GRID2: variants seen among roughly 807,000 people sequenced by gnomAD.
GRID2 encodes the protein glutamate receptor ionotropic, delta-2.
In GRID2, 33 loss-of-function variants were observed where a neutral mutation model predicts 114.8. That is an observed-to-expected ratio of 0.29 (90% CI 0.22 to 0.38). GRID2 has a LOEUF of 0.38. GRID2 is among the 10% of genes least tolerant of loss of function. GRID2 has a pLI of 1.00. For missense variants in GRID2, 1,184 were observed against 1,257.7 expected (o/e 0.94, Z 0.89); for synonymous variants, 505 against 449.9 (o/e 1.12, Z -1.55).
chr4:92,731,656 G>T (rs532852010), intron 2 of GRID2, among the ~76,000 whole-genome samples: 5 of 151,902 alleles, frequency 3.3e-5, no homozygotes, highest in Non-Finnish European at 7.4e-5. Flanking sequence ...TAAAGAGGGT[G>T]AATTTGGGTA....
intron 2 of GRID2, among the ~76,000 whole-genome samples, chr4:92,683,117 G>A (rs1211792262): frequency 6.6e-6 from 1 of 152,086 alleles, no homozygotes; most frequent in East Asian, 1.9e-4. Context: ...GGCTAACACG[G>A]TGAAACCTTG....
chr4:93,471,730 TG>T (rs1724843306), intron 11 of GRID2, among the ~76,000 whole-genome samples: 1 of 137,706 alleles, frequency 7.3e-6, no homozygotes, highest in African/African-American at 2.9e-5. Flanking sequence ...ACGGAGTTTT[TG>T]CTCTTGTTGC....
chr4:92,513,192 G>A (rs932227775), intron 1 of GRID2, among the ~76,000 whole-genome samples: 1 of 151,706 alleles, frequency 6.6e-6, no homozygotes, highest in African/African-American at 2.4e-5. Context: ...TTAACCTATT[G>A]CCCCTATCTT....
At chr4:92,976,012 C>T (rs112270035) in intron 2 of GRID2, among the ~76,000 whole-genome samples, 27 of 151,886 alleles carry the variant, frequency 1.8e-4, no homozygotes, top group African/African-American at 6.5e-4. Context: ...TTTCTTAAGC[C>T]AAGTTTTCAT....
intron 14 of GRID2, among the ~76,000 whole-genome samples, chr4:93,704,522 TG>T (rs1385329537): frequency 6.6e-6 from 1 of 152,198 alleles, no homozygotes; most frequent in African/African-American, 2.4e-5. Flanking sequence ...TTGTCAATTT[TG>T]GCTTTTGTTG....
chr4:93,741,796 C>T (rs140579467), intron 14 of GRID2, among the ~76,000 whole-genome samples: 4,368 of 151,952 alleles, frequency 0.029, 84 homozygotes, highest in South Asian at 0.089. Flanking sequence ...TGGTGGTGCA[C>T]GCCTGTAATC....
chr4:93,159,239 G>A (rs557470819), intron 4 of GRID2, among the ~76,000 whole-genome samples: 185 of 151,838 alleles, frequency 1.2e-3, no homozygotes, highest in African/African-American at 4.0e-3. Flanking sequence ...CAATAAGGCC[G>A]ACTCTGTAAG....
intron 13 of GRID2, among the ~76,000 whole-genome samples, chr4:93,572,210 C>A (rs188791279): frequency 1.3e-5 from 2 of 152,156 alleles, no homozygotes; most frequent in East Asian, 1.9e-4. Flanking sequence ...CTATCTGATA[C>A]GTCTATTTCA....
At chr4:93,683,111 TG>T (rs1413493347) in intron 14 of GRID2, among the ~76,000 whole-genome samples, 1 of 151,858 alleles carries the variant, frequency 6.6e-6, no homozygotes, top group Non-Finnish European at 1.5e-5. Context: ...ATGTTACCTT[TG>T]GGGGGAAAAA....
At chr4:92,548,333 G>A (rs1726381498) in intron 1 of GRID2, among the ~76,000 whole-genome samples, 1 of 150,006 alleles carries the variant, frequency 6.7e-6, no homozygotes, top group Non-Finnish European at 1.5e-5. Flanking sequence ...ACCCAGTTTG[G>A]TAATCCAGGA....
At chr4:92,337,774 G>A (rs1174861564) in intron 1 of GRID2, among the ~76,000 whole-genome samples, 1 of 152,076 alleles carries the variant, frequency 6.6e-6, no homozygotes, top group Non-Finnish European at 1.5e-5. Context: ...ATTTGGGTGG[G>A]GACACAAAGC....
intron 13 of GRID2, among the ~76,000 whole-genome samples, chr4:93,612,914 CTTGG>C (rs1426614642): frequency 1.4e-5 from 2 of 146,324 alleles, no homozygotes; most frequent in Non-Finnish European, 3.0e-5. Flanking sequence ...TGTTTTCCAA[CTTGG>C]TTCCATTCTC....
At chr4:93,801,961 G>T (rs1030594682) in intron 1 of GRID2, among the ~76,000 whole-genome samples, 1 of 152,160 alleles carries the variant, frequency 6.6e-6, no homozygotes, top group Non-Finnish European at 1.5e-5. Flanking sequence ...TTAAAATCCT[G>T]TATGTAGAAT....
At chr4:93,056,244 G>T (rs1727229573) in intron 2 of GRID2, among the ~76,000 whole-genome samples, 1 of 151,948 alleles carries the variant, frequency 6.6e-6, no homozygotes, top group Non-Finnish European at 1.5e-5. Flanking sequence ...ATGGAGGTCA[G>T]ATCTGCACAT....
intron 2 of GRID2, among the ~76,000 whole-genome samples, chr4:92,777,818 C>T (rs1236639258): frequency 6.6e-6 from 1 of 151,410 alleles, no homozygotes; most frequent in African/African-American, 2.4e-5. Context: ...GAGAAACCAA[C>T]CCTGCCAACA....
chr4:93,072,197 T>C (rs1728870746), intron 2 of GRID2, among the ~76,000 whole-genome samples: 1 of 152,152 alleles, frequency 6.6e-6, no homozygotes, highest in African/African-American at 2.4e-5. Context: ...CTAATTTTTT[T>C]CAAGCTGTAA....
intron 13 of GRID2, among the ~76,000 whole-genome samples, chr4:93,616,918 G>C (rs970982680): frequency 1.3e-5 from 2 of 151,386 alleles, no homozygotes; most frequent in Non-Finnish European, 2.9e-5. Context: ...GCGTGAACCC[G>C]GGAGGTGGAG....
chr4:92,574,674 T>G (rs1180875818), intron 1 of GRID2, among the ~76,000 whole-genome samples: 1 of 152,172 alleles, frequency 6.6e-6, no homozygotes, highest in Non-Finnish European at 1.5e-5. Context: ...GTTTTAGGGT[T>G]TCTGCTGAGA....
intron 2 of GRID2, among the ~76,000 whole-genome samples, chr4:93,006,641 A>G (rs1029953359): frequency 6.6e-6 from 1 of 151,944 alleles, no homozygotes; most frequent in Non-Finnish European, 1.5e-5. Context: ...ATAATATCAA[A>G]ATATAAAAAC....
Sources: allele counts gnomAD v4.1 joint callset (sites outside exome capture counted in the v4.1 genomes callset), GRCh38; gene constraint gnomAD v4.1.1; transcripts MANE v1.5; gene names NCBI Gene and HGNC (gene_info 2026-07-23, HGNC 2026-07-21).